Variants in CCSER1 observed in about 807,000 individuals in gnomAD.
CCSER1 encodes the protein coiled-coil serine rich protein 1.
In CCSER1, 41 loss-of-function variants were observed where a neutral mutation model predicts 82.0. The ratio of observed to expected loss-of-function variants is 0.50; its 90% CI spans 0.39 to 0.65. The LOEUF is 0.65. CCSER1 is among the 30% of genes least tolerant of loss of function. The pLI is 0.00. For missense variants in CCSER1, 1,119 were observed against 1,064.2 expected (o/e 1.05, Z -0.72); for synonymous variants, 414 against 383.9 (o/e 1.08, Z -0.92).
intron 10 of CCSER1, among the ~76,000 whole-genome samples, chr4:91,593,467 CTTTTTTTTT>C (rs753973015): frequency 1.8e-5 from 1 of 55,020 alleles, no homozygotes; most frequent in Admixed American, 2.7e-4. Context: ...CAACCCCGTG[CTTTTTTTTT>C]TTTTTTTTTT....
intron 10 of CCSER1, among the ~76,000 whole-genome samples, chr4:91,263,292 C>T (rs998777912): frequency 5.3e-5 from 8 of 151,958 alleles, no homozygotes; most frequent in Non-Finnish European, 8.8e-5. Context: ...AAAGTGCTTA[C>T]GTTTTCTACT....
At chr4:90,416,115 GTTAA>G (rs1308902541) in intron 4 of CCSER1, among the ~76,000 whole-genome samples, 5 of 152,078 alleles carry the variant, frequency 3.3e-5, no homozygotes, top group African/African-American at 9.7e-5. Flanking sequence ...TGAGGGATGT[GTTAA>G]TTAATTTGTG....
chr4:91,452,918 G>A (rs911116319), intron 10 of CCSER1, among the ~76,000 whole-genome samples: 14 of 152,116 alleles, frequency 9.2e-5, no homozygotes, highest in African/African-American at 2.9e-4. Flanking sequence ...AACTGTTGCC[G>A]AATGGCAGTA....
chr4:90,226,873 A>G (rs1476470023), intron 1 of CCSER1, among the ~76,000 whole-genome samples: 1 of 152,218 alleles, frequency 6.6e-6, no homozygotes, highest in African/African-American at 2.4e-5. Flanking sequence ...CCAATGACTG[A>G]GCATGATGGG....
At chr4:90,630,620 A>G (rs1724198079) in intron 6 of CCSER1, among the ~76,000 whole-genome samples, 1 of 152,002 alleles carries the variant, frequency 6.6e-6, no homozygotes, top group South Asian at 2.1e-4. Context: ...GGGAAAAGCA[A>G]TAGTATTATA....
chr4:90,761,781 T>C (rs1750444938), intron 7 of CCSER1, among the ~76,000 whole-genome samples: 1 of 152,160 alleles, frequency 6.6e-6, no homozygotes, highest in South Asian at 2.1e-4. Context: ...GTGAATGGAC[T>C]CTTTTTCCTT....
At chr4:90,715,857 A>G (rs1458971217) in intron 6 of CCSER1, among the ~76,000 whole-genome samples, 1 of 152,004 alleles carries the variant, frequency 6.6e-6, no homozygotes, top group Non-Finnish European at 1.5e-5. Context: ...CTCAAAATAT[A>G]TCTTATAGGT....
intron 3 of CCSER1, among the ~76,000 whole-genome samples, chr4:90,374,942 ATC>A (rs1748064573): frequency 6.6e-6 from 1 of 152,164 alleles, no homozygotes; most frequent in African/African-American, 2.4e-5. Context: ...ATCCACGATT[ATC>A]TGTTGTTTTT....
intron 10 of CCSER1, among the ~76,000 whole-genome samples, chr4:91,151,876 G>A (rs1730243902): frequency 6.6e-6 from 1 of 152,188 alleles, no homozygotes; most frequent in Admixed American, 6.5e-5. Flanking sequence ...CATTTGCTGA[G>A]GAGTGCTTCA....
intron 1 of CCSER1, among the ~76,000 whole-genome samples, chr4:90,208,968 G>T (rs778728862): frequency 6.6e-6 from 1 of 152,114 alleles, no homozygotes; most frequent in Non-Finnish European, 1.5e-5. Flanking sequence ...GCCAGCCACC[G>T]AGTGCCAAAC....
intron 10 of CCSER1, among the ~76,000 whole-genome samples, chr4:91,557,968 A>C (rs1432567223): frequency 6.6e-6 from 1 of 151,308 alleles, no homozygotes; most frequent in Admixed American, 6.6e-5. Flanking sequence ...AATACACAAA[A>C]AAAGATATTA....
chr4:90,749,617 A>G (rs1748212886), intron 7 of CCSER1, among the ~76,000 whole-genome samples: 1 of 152,006 alleles, frequency 6.6e-6, no homozygotes, highest in South Asian at 2.1e-4. Context: ...GAATCTGTAA[A>G]TTACCTTGGG....
chr4:90,606,192 G>T (rs1266055119), intron 5 of CCSER1, among the ~76,000 whole-genome samples: 1 of 124,262 alleles, frequency 8.0e-6, no homozygotes, highest in South Asian at 2.4e-4. Flanking sequence ...TCCTTGCCAT[G>T]GGGAGAGTCC....
chr4:90,895,252 A>G (rs1723537388), intron 8 of CCSER1, among the ~76,000 whole-genome samples: 1 of 151,958 alleles, frequency 6.6e-6, no homozygotes. Flanking sequence ...TATAACAATA[A>G]TATTTAAGGG....
intron 8 of CCSER1, among the ~76,000 whole-genome samples, chr4:90,902,963 C>T (rs1038907320): frequency 1.2e-4 from 18 of 152,044 alleles, no homozygotes; most frequent in African/African-American, 4.3e-4. Flanking sequence ...TCATGCCCCT[C>T]TCACAGGGCA....
chr4:90,926,361 C>T (rs1450808886), intron 9 of CCSER1, among the ~76,000 whole-genome samples: 1 of 151,872 alleles, frequency 6.6e-6, no homozygotes, highest in African/African-American at 2.4e-5. Flanking sequence ...ACAAATTGTT[C>T]TTTACAGATT....
At chr4:90,347,323 A>ATCTG (rs1241121961) in intron 3 of CCSER1, among the ~76,000 whole-genome samples, 34 of 151,806 alleles carry the variant, frequency 2.2e-4, no homozygotes, top group African/African-American at 7.5e-4. Flanking sequence ...CTATCTATCT[A>ATCTG]TCTATCTATC....
At chr4:90,493,653 T>G (rs1484323386) in intron 5 of CCSER1, among the ~76,000 whole-genome samples, 1 of 152,158 alleles carries the variant, frequency 6.6e-6, no homozygotes, top group East Asian at 1.9e-4. Context: ...GAATTTCATA[T>G]CCAGCCAAAC....
chr4:91,095,694 G>A (rs1322578264), intron 10 of CCSER1, among the ~76,000 whole-genome samples: 1 of 152,132 alleles, frequency 6.6e-6, no homozygotes, highest in African/African-American at 2.4e-5. Flanking sequence ...GAATTGGTCT[G>A]GGCTTCCCTC....
Sources: gnomAD v4.1 joint callset for allele counts (sites outside exome capture counted in the v4.1 genomes callset) on GRCh38, gnomAD v4.1.1 for gene constraint, MANE v1.5 for transcripts, NCBI Gene and HGNC (gene_info 2026-07-23, HGNC 2026-07-21) for gene names.